The following ZFP64 variants were observed in gnomAD, a reference collection of about 807,000 sequenced individuals.
ZFP64 encodes the protein ZFP64 zinc finger protein.
In ZFP64, 14 loss-of-function variants were observed where a neutral mutation model predicts 51.6. The observed-to-expected ratio is 0.27, with a 90% CI of 0.18 to 0.42. The LOEUF (loss-of-function observed/expected upper bound fraction) is 0.42. Among genes scored for constraint, ZFP64 ranks in the 10% least tolerant of loss-of-function variants. The probability of loss-of-function intolerance (pLI) is 1.00; values close to 1 mark genes in which losing one functional copy is unlikely to be tolerated. For missense variants in ZFP64, 754 were observed against 906.8 expected (o/e 0.83, Z 2.16); for synonymous variants, 375 against 361.4 (o/e 1.04, Z -0.43).
At chr20:52,097,258 G>A in intron 7 of ZFP64, 1 of 1,274,530 alleles carries the variant, frequency 7.8e-7, no homozygotes. Flanking sequence ...ACTAGACTGA[G>A]TTTCATGAGG....
At chr20:52,108,206 A>C (rs1376198463) in intron 5 of ZFP64, among the ~76,000 whole-genome samples, 1 of 152,246 alleles carries the variant, frequency 6.6e-6, no homozygotes, top group Admixed American at 6.5e-5. Context: ...TGGGCAACAG[A>C]GTAAGAACCT....
chr20:52,123,881 G>C (rs372509763), intron 5 of ZFP64, among the ~76,000 whole-genome samples: 16 of 151,520 alleles, frequency 1.1e-4, no homozygotes, highest in African/African-American at 3.4e-4. Flanking sequence ...TTTTTTGGGG[G>C]GGGGAGGGGG....
At chr20:52,145,991 T>A (rs1980505596) in intron 5 of ZFP64, among the ~76,000 whole-genome samples, 1 of 152,240 alleles carries the variant, frequency 6.6e-6, no homozygotes, top group Non-Finnish European at 1.5e-5. Flanking sequence ...ACACAAGCAT[T>A]GTACAACTGT....
intron 5 of ZFP64, chr20:52,104,952 G>T: frequency 1.4e-6 from 1 of 719,350 alleles, no homozygotes; most frequent in Non-Finnish European, 2.3e-6. Context: ...TGGACTCCAG[G>T]AGAGTGTAAT....
At chr20:52,084,345 G>A in exon 9 of ZFP64, 1 of 566,272 alleles carries the variant, frequency 1.8e-6, no homozygotes, top group East Asian at 2.9e-5. Flanking sequence ...ATCCTTGGAG[G>A]GAAGAGACAA....
intron 8 of ZFP64, among the ~76,000 whole-genome samples, chr20:52,087,803 C>A (rs2078880149): frequency 6.6e-6 from 1 of 152,178 alleles, no homozygotes; most frequent in Admixed American, 6.6e-5. Context: ...TGTACAGCTG[C>A]CTCCCATTTG....
chr20:52,109,969 C>T (rs1481531768), intron 5 of ZFP64, among the ~76,000 whole-genome samples: 9 of 152,050 alleles, frequency 5.9e-5, no homozygotes, highest in Non-Finnish European at 1.2e-4. Context: ...GTTACTTCTT[C>T]ATTCTTCATA....
chr20:52,161,441 G>A (rs1981788721), intron 4 of ZFP64, among the ~76,000 whole-genome samples: 1 of 137,708 alleles, frequency 7.3e-6, no homozygotes, highest in Non-Finnish European at 1.5e-5. Context: ...ACCGTCTTGT[G>A]ATTGCTTTCT....
At chr20:52,089,468 C>T (rs545522329) in intron 7 of ZFP64, among the ~76,000 whole-genome samples, 7 of 152,248 alleles carry the variant, frequency 4.6e-5, no homozygotes, top group South Asian at 2.1e-4. Context: ...TGGCCAGGTG[C>T]GGTGGCTCAC....
intron 5 of ZFP64, among the ~76,000 whole-genome samples, chr20:52,130,041 G>A (rs1206884089): frequency 6.6e-6 from 1 of 151,742 alleles, no homozygotes; most frequent in African/African-American, 2.4e-5. Context: ...TGTTCCTCTC[G>A]AGATCCACAT....
intron 1 of ZFP64, among the ~76,000 whole-genome samples, chr20:52,189,380 C>T (rs1473952431): frequency 7.9e-5 from 11 of 138,404 alleles, no homozygotes; most frequent in Admixed American, 1.5e-4. Flanking sequence ...CTGGTGACAG[C>T]GAGACTTCAT....
At chr20:52,115,046 A>C (rs1600720880) in intron 5 of ZFP64, among the ~76,000 whole-genome samples, 1 of 151,580 alleles carries the variant, frequency 6.6e-6, no homozygotes, top group East Asian at 1.9e-4. Flanking sequence ...AAATACAAAA[A>C]CAAAAAAAAT....
Position 52,152,396 on chromosome 20 carries a change from C to T in ZFP64, c.1796G>A (p.Gly599Asp). The change falls in exon 6 of 6, where the codon GGC (glycine) becomes GAC (aspartate). Residue 599 changes from glycine to aspartate, a missense_variant. Coordinates refer to ENST00000216923, the MANE Select transcript of ZFP64 (RefSeq NM_018197.3). ...CGAACTGGTAATGAAAGTTTGATTG[C>T]CAGAGCCTTCCTGGGGGCCACCTGA... ...TASGGPQEGS[G>D]NQTFITSSGI... 2 of 1,614,206 alleles carry T rather than the reference C, an allele frequency of 1.2e-6. No homozygotes were observed. Among genetic ancestry groups the T allele is most frequent in the Non-Finnish European group, 1.7e-6 (2 of 1,180,042 alleles).
intron 2 of ZFP64, among the ~76,000 whole-genome samples, chr20:52,174,482 C>CAAAAAA (rs386393988): frequency 1.8e-5 from 1 of 55,946 alleles, no homozygotes; most frequent in Admixed American, 2.0e-4. Flanking sequence ...GGCTCCATCT[C>CAAAAAA]AAAAAAAAAA....
rs1439994568 is a variant in ZFP64 at position 52,191,364 on chromosome 20, T to C, written c.46+227A>G. 2.0e-5 allele frequency among the ~76,000 whole-genome samples: 3 copies of C among 152,240 alleles called. No homozygotes were observed. The highest frequency in any genetic ancestry group is 7.2e-5 in the African/African-American group (3 of 41,570). ...TCCCTTCCAAGGGGTCTCGCAAGGCTGGAGAGCGCCCCCGGTCTTGCGCCA... is the reference window on the plus strand; with the variant it reads ...TCCCTTCCAAGGGGTCTCGCAAGGCCGGAGAGCGCCCCCGGTCTTGCGCCA... On this transcript the variant is annotated intron_variant, in intron 1 of 5. Transcript: ENST00000216923. This position sits in a 1 kb window ranked among gnomAD's most constrained non-coding sequence, Gnocchi z 4.3.
exon 9 of ZFP64, chr20:52,084,440 G>T: frequency 9.7e-7 from 1 of 1,029,644 alleles, no homozygotes; most frequent in Non-Finnish European, 1.4e-6. Flanking sequence ...TGTGAAGTTG[G>T]AGCGGCCAGC....
At chr20:52,119,531 A>ATAT (rs1458557217) in intron 5 of ZFP64, among the ~76,000 whole-genome samples, 225 of 65,152 alleles carry the variant, frequency 3.5e-3, no homozygotes, top group South Asian at 8.0e-3. Context: ...AAAAAAAAAA[A>ATAT]AAATATATAT....
At chr20:52,088,020 T>C (rs550146693) in intron 8 of ZFP64, among the ~76,000 whole-genome samples, 528 of 152,346 alleles carry the variant, frequency 3.5e-3, no homozygotes, top group Non-Finnish European at 5.4e-3. Context: ...AAGTTTGTGA[T>C]TTTTAATTAT....
chr20:52,189,865 G>GTGTC (rs2123145549), intron 1 of ZFP64, among the ~76,000 whole-genome samples: 1 of 152,162 alleles, frequency 6.6e-6, no homozygotes, highest in Admixed American at 6.5e-5. Flanking sequence ...TTATTCCATG[G>GTGTC]TGTCCATGCG....
Sources: gnomAD v4.1 joint callset for allele counts (sites outside exome capture counted in the v4.1 genomes callset) on GRCh38, gnomAD v4.1.1 for gene constraint, Gnocchi (gnomAD v3.1) non-coding constraint, MANE v1.5 for transcripts, NCBI Gene and HGNC (gene_info 2026-07-23, HGNC 2026-07-21) for gene names.